FMN1: variants seen among roughly 807,000 people sequenced by gnomAD.
FMN1 encodes formin 1, also known as formin-1.
Under a neutral mutation model 132.4 loss-of-function variants are expected in FMN1, and 110 were observed. That is an observed-to-expected ratio of 0.83 (90% CI 0.71 to 0.97). The LOEUF (loss-of-function observed/expected upper bound fraction) is 0.97. Among genes scored for constraint, FMN1 ranks in the 50% least tolerant of loss-of-function variants. The pLI is 0.00. For missense variants in FMN1, 1,792 were observed against 1,705.3 expected (o/e 1.05, Z -0.90); for synonymous variants, 722 against 651.7 (o/e 1.11, Z -1.64).
At chr15:33,049,037 G>T (rs959808074) in intron 6 of FMN1, among the ~76,000 whole-genome samples, 1 of 152,138 alleles carries the variant, frequency 6.6e-6, no homozygotes, top group South Asian at 2.1e-4. Context: ...TTTAAATTAG[G>T]TAAGATAAAG....
intron 16 of FMN1, among the ~76,000 whole-genome samples, chr15:32,863,358 C>A (rs896386415): frequency 1.3e-5 from 2 of 152,096 alleles, no homozygotes; most frequent in African/African-American, 4.8e-5. Flanking sequence ...GGCGTGAACC[C>A]GGGAGGCGGA....
At chr15:33,019,890 C>G (rs2035324927) in intron 6 of FMN1, among the ~76,000 whole-genome samples, 1 of 152,222 alleles carries the variant, frequency 6.6e-6, no homozygotes. Flanking sequence ...AGGGAGCCGG[C>G]TCCGGCCTCA....
Position 33,154,667 on chromosome 15 carries a change from A to G in FMN1, c.248T>C (p.Ile83Thr). 6.5e-7 allele frequency: 1 copy of G among 1,536,024 alleles called. No individual in the cohort carries two copies. Among genetic ancestry groups the G allele is most frequent in the South Asian group, 1.2e-5 (1 of 84,056 alleles). ...IFFKQTPTKD[I>T]LTELYKLTTE... ...TGTGAGTTTGTACAGCTCAGTTAGA[A>G]TGTCTTTCGTGGGAGTCTGCTTGAA... Residue 83 changes from isoleucine (I) to threonine (T), a missense_variant, in exon 4 of 21, where the codon ATT (isoleucine) becomes ACT (threonine). Physicochemically the swap from Ile to Thr is moderately conservative, Grantham distance 89. Coordinates refer to ENST00000616417, the MANE Select transcript of FMN1 (RefSeq NM_001277313.2).
chr15:32,870,571 G>C (rs2059491552), intron 16 of FMN1, among the ~76,000 whole-genome samples: 1 of 152,148 alleles, frequency 6.6e-6, no homozygotes. Flanking sequence ...CCTTTGCACG[G>C]AATTGTCTAA....
At chr15:33,024,240 T>TGAGA in intron 6 of FMN1, among the ~76,000 whole-genome samples, 1 of 35,666 alleles carries the variant, frequency 2.8e-5, no homozygotes, top group Non-Finnish European at 6.1e-5. Context: ...TTTTTTTTTT[T>TGAGA]TTTTTTTTTT....
chr15:33,041,712 T>C (rs958041837), intron 6 of FMN1, among the ~76,000 whole-genome samples: 1 of 151,624 alleles, frequency 6.6e-6, no homozygotes, highest in Admixed American at 6.6e-5. Context: ...GGTAAATAAG[T>C]GTTGTCAAGG....
At chr15:33,119,834 G>A (rs146727368) in intron 4 of FMN1, among the ~76,000 whole-genome samples, 349 of 152,194 alleles carry the variant, frequency 2.3e-3, no homozygotes, top group African/African-American at 8.1e-3. Context: ...CTCATAAAAT[G>A]ACCTCCCCAT....
intron 16 of FMN1, among the ~76,000 whole-genome samples, chr15:32,863,651 G>C (rs141265115): frequency 6.6e-6 from 1 of 152,226 alleles, no homozygotes; most frequent in African/African-American, 2.4e-5. Context: ...CTAGTAACTT[G>C]AACTGCAGGC....
chr15:32,838,049 A>G (rs1325545500), intron 17 of FMN1, among the ~76,000 whole-genome samples: 3 of 151,952 alleles, frequency 2.0e-5, no homozygotes, highest in Non-Finnish European at 4.4e-5. Context: ...TCGGGGAGCA[A>G]TGAAGGCAAG....
chr15:33,084,476 CT>C (rs1484223485), intron 5 of FMN1, among the ~76,000 whole-genome samples: 1 of 152,066 alleles, frequency 6.6e-6, no homozygotes, highest in Non-Finnish European at 1.5e-5. Flanking sequence ...GAATCCTTAA[CT>C]TGTGGGATGT....
At chr15:33,053,910 T>G (rs558856297) in intron 6 of FMN1, among the ~76,000 whole-genome samples, 1 of 152,212 alleles carries the variant, frequency 6.6e-6, no homozygotes, top group African/African-American at 2.4e-5. Context: ...CCTTTTCTTT[T>G]CTTTCTTTCG....
intron 10 of FMN1, among the ~76,000 whole-genome samples, chr15:32,916,534 G>A (rs531890713): frequency 1.3e-5 from 2 of 152,338 alleles, no homozygotes; most frequent in South Asian, 4.1e-4. Flanking sequence ...CATCCGAAGT[G>A]TGGGAGATGC....
Position 32,890,943 on chromosome 15 carries a change from T to C in FMN1, c.3715-2651A>G, listed in dbSNP as rs540640103. On this transcript the variant is annotated intron_variant, in intron 15 of 20. Coordinates refer to ENST00000616417, the MANE Select transcript of FMN1 (RefSeq NM_001277313.2). ...GGTGAGAGATGAGGATCCAGTTTCA[T>C]TCTCCTACATGTGGCTAGCCAATTA... Among the ~76,000 whole-genome samples the C allele has an allele frequency of 3.9e-5, 6 of 152,332 alleles. No individual in the cohort carries two copies. The South Asian group carries it at 1.2e-3, about 32-fold the overall frequency.
intron 6 of FMN1, among the ~76,000 whole-genome samples, chr15:33,046,388 T>A (rs1032180270): frequency 8.5e-5 from 13 of 152,224 alleles, no homozygotes; most frequent in African/African-American, 2.9e-4. Context: ...CCTATTAATA[T>A]GCAGAAGCTT....
At chr15:32,954,600 TG>T (rs34015247) in intron 9 of FMN1, among the ~76,000 whole-genome samples, 41,156 of 152,174 alleles carry the variant, frequency 0.27, 7,878 homozygotes, top group African/African-American at 0.55. Context: ...ACACCAAAGC[TG>T]GGCACTTTTT....
rs398026774 is a variant in FMN1, at chr15:33,069,993, C to CTCTTTTTTTTT, written c.2044-4920_2044-4919insAAAAAAAAAGA. Reference sequence around the variant, plus strand: ...AACAGATCATAAGATCAGTCTTTCTCTTTTTTTTTTTTTTTTTTTTTTTTT... The same window carrying CTCTTTTTTTTT: ...AACAGATCATAAGATCAGTCTTTCTCTCTTTTTTTTTTTTTTTTTTTTTTTTTTTTTTTTTT... On this transcript the variant is annotated intron_variant, in intron 5 of 20. Transcript: ENST00000616417. Among the ~76,000 whole-genome samples, 40 of 74,324 alleles carry CTCTTTTTTTTT rather than the reference C, an allele frequency of 5.4e-4. 5 individuals carry two copies. Among genetic ancestry groups the CTCTTTTTTTTT allele is most frequent in the Admixed American group, 1.3e-3 (7 of 5,386 alleles). The allele number at this position is 74,324 out of a possible 152,430, so 48.8% of individuals were successfully genotyped here. A position where few individuals can be genotyped will look rare whatever the true frequency, so the allele number is the denominator to read the frequency against.
At chr15:32,940,391 TTGTGTGTGTGTGTGTGTGTG>T (rs67121672) in intron 9 of FMN1, among the ~76,000 whole-genome samples, 9 of 145,420 alleles carry the variant, frequency 6.2e-5, no homozygotes, top group Non-Finnish European at 1.1e-4. Flanking sequence ...AAAATAAAAA[TTGTGTGTGTGTGTGTGTGTG>T]TGTGTGTGTG....
At chr15:32,995,921 T>C (rs973069601) in intron 7 of FMN1, among the ~76,000 whole-genome samples, 1 of 152,206 alleles carries the variant, frequency 6.6e-6, no homozygotes, top group African/African-American at 2.4e-5. Flanking sequence ...TTTTATAACA[T>C]ATGAAAAGCA....
intron 20 of FMN1, among the ~76,000 whole-genome samples, chr15:32,775,348 C>G (rs1228212142): frequency 6.6e-6 from 1 of 151,966 alleles, no homozygotes; most frequent in African/African-American, 2.4e-5. Context: ...GCAGCCCCAA[C>G]AAGCCCAGGA....
Sources: gnomAD v4.1 joint callset for allele counts (sites outside exome capture counted in the v4.1 genomes callset) on GRCh38, gnomAD v4.1.1 for gene constraint, MANE v1.5 for transcripts, NCBI Gene and HGNC (gene_info 2026-07-23, HGNC 2026-07-21) for gene names.